The following RNASET2 variants were observed in gnomAD, a reference collection of about 807,000 sequenced individuals.
RNASET2 encodes ribonuclease T2.
Under a neutral mutation model 33.9 loss-of-function variants are expected in RNASET2, and 28 were observed. The ratio of observed to expected loss-of-function variants is 0.83; its 90% CI spans 0.61 to 1.13. RNASET2 has a LOEUF of 1.13. Among genes scored for constraint, RNASET2 ranks in the 50% most tolerant of loss-of-function variants. The pLI is 0.00. For synonymous variants in RNASET2, 123 were observed against 121.0 expected (o/e 1.02, Z -0.11); for missense variants, 330 against 319.9 (o/e 1.03, Z -0.24).
intron 4 of RNASET2, among the ~76,000 whole-genome samples, chr6:166,944,877 C>T (rs1284528490): frequency 6.6e-6 from 1 of 152,030 alleles, no homozygotes; most frequent in East Asian, 1.9e-4. Context: ...AGGCCCACAC[C>T]TGTCAGCGCT....
rs1394189622 is a variant in RNASET2, at chr6:166,934,107, G to A, written c.476C>T (p.Ser159Phe). 6.2e-7 allele frequency: 1 copy of A among 1,609,604 alleles called. No homozygotes were observed. The highest frequency in any genetic ancestry group is 1.7e-5 in the Admixed American group (1 of 60,010). Reference sequence around the variant, plus strand: ...AAGACTTACTTGGTAGTAATTGATGGATGGTTTTATCCCCAATTTTAGAAG... The same window carrying A: ...AAGACTTACTTGGTAGTAATTGATGAATGGTTTTATCCCCAATTTTAGAAG... ...SVLLKLGIKP[S>F]INYYQVADFK... Residue 159 changes from serine (S) to phenylalanine (F), a missense_variant, in exon 7 of 9, where the codon TCC becomes TTC. Ser to Phe is a radical substitution (Grantham distance 155). Coordinates refer to ENST00000508775, the MANE Select transcript of RNASET2 (RefSeq NM_003730.6).
chr6:166,944,567 T>C (rs1162190218), intron 4 of RNASET2, among the ~76,000 whole-genome samples: 1 of 147,558 alleles, frequency 6.8e-6, no homozygotes, highest in Non-Finnish European at 1.5e-5. Context: ...AGTGTGCAAA[T>C]TGGGCTACTT....
chr6:166,929,532 T>C lies in RNASET2; in HGVS notation c.*56A>G. ...ACTTTGGAGTTGTTTTTTAGAAAGC[T>C]GCAGTTTGTGAATTTCTCTTGCTTT... On this transcript the variant is annotated 3_prime_UTR_variant, in exon 9 of 9. Transcript: ENST00000508775. 1 of 1,557,460 alleles carries C rather than the reference T, an allele frequency of 6.4e-7. No individual in the cohort carries two copies. The highest frequency in any genetic ancestry group is 1.4e-5 in the African/African-American group (1 of 73,864).
At chr6:166,939,936 T>C (rs1778657642) in intron 5 of RNASET2, among the ~76,000 whole-genome samples, 1 of 152,254 alleles carries the variant, frequency 6.6e-6, no homozygotes, top group South Asian at 2.1e-4. Context: ...CTTCGTTTGG[T>C]TCTCAAAACT....
Position 166,925,976 on chromosome 6 carries a change from T to C in RNASET2, c.*3612A>G, listed in dbSNP as rs1583209726. On this transcript the variant is annotated 3_prime_UTR_variant, in exon 9 of 9. Coordinates refer to ENST00000508775, the MANE Select transcript of RNASET2 (RefSeq NM_003730.6). ...GGTGTGATCTGGGAGCAGAGAGCCA[T>C]GGTTGGTTACGGAGAGTGGCACAAA... Among the ~76,000 whole-genome samples the C allele has an allele frequency of 2.6e-5, 4 of 152,168 alleles. No individual in the cohort carries two copies. Among genetic ancestry groups the C allele is most frequent in the Admixed American group, 2.6e-4 (4 of 15,280 alleles).
intron 1 of RNASET2, among the ~76,000 whole-genome samples, chr6:166,954,652 C>T (rs149248238): frequency 7.9e-5 from 12 of 152,272 alleles, no homozygotes; most frequent in Admixed American, 1.3e-4. Flanking sequence ...ATACACTTTC[C>T]GGAACACTGA....
intron 4 of RNASET2, among the ~76,000 whole-genome samples, chr6:166,944,469 T>G (rs1419890668): frequency 2.5e-5 from 1 of 40,012 alleles, no homozygotes. Context: ...CCTCTTCCCC[T>G]CCAGCCCCCC....
At chr6:166,953,471 A>C (rs1272229804) in intron 1 of RNASET2, 1 of 152,282 alleles carries the variant, frequency 6.6e-6, no homozygotes, top group Non-Finnish European at 1.5e-5. Context: ...AAGAAGATCA[A>C]GTTGTCACAC....
rs35716361 is a variant in RNASET2, at chr6:166,929,697, G to T, written c.662C>A (p.Ser221Tyr). ...TGCCAGCCAGACTTCCTGCTTGGGGGACGGCTGCTCCCCCGGCTCGGTGCA... is the reference window on the plus strand; with the variant it reads ...TGCCAGCCAGACTTCCTGCTTGGGGTACGGCTGCTCCCCCGGCTCGGTGCA... ...QNCTEPGEQP[S>Y]PKQEVWLANG... is the part of the protein sequence containing the mutation. The change falls in exon 9 of 9, where the codon TCC becomes TAC. Residue 221 changes from serine (S) to tyrosine (Y), a missense_variant. Ser to Tyr is a moderately radical substitution (Grantham distance 144, BLOSUM62 -2). Transcript: ENST00000508775. 2.6e-4 allele frequency: 425 copies of T among 1,614,130 alleles called. 1 individual carries two copies. The African/African-American group carries it at 4.4e-3, about 17-fold the overall frequency.
intron 8 of RNASET2, among the ~76,000 whole-genome samples, chr6:166,930,812 A>G (rs940848742): frequency 6.6e-6 from 1 of 150,806 alleles, no homozygotes; most frequent in African/African-American, 2.4e-5. Context: ...ATGTACACAC[A>G]CATGCACACA....
intron 6 of RNASET2, among the ~76,000 whole-genome samples, chr6:166,937,873 C>G (rs1244937344): frequency 6.6e-6 from 1 of 152,130 alleles, no homozygotes; most frequent in Admixed American, 6.5e-5. Context: ...GTGCCAAGCC[C>G]CTCTTCTATC....
At chr6:166,934,632 T>C (rs1450751705) in intron 6 of RNASET2, 5 of 194,930 alleles carry the variant, frequency 2.6e-5, no homozygotes, top group Non-Finnish European at 5.3e-5. Context: ...TTGAGATATG[T>C]TTAGATACAC....
Position 166,938,978 on chromosome 6 carries a change from G to A in RNASET2, c.363C>T (p.Cys121=), listed in dbSNP as rs775647997. The A allele has an allele frequency of 3.8e-5, 61 of 1,613,278 alleles. 1 individual carries two copies. In the South Asian group the frequency reaches 5.7e-4, roughly 15 times the overall value. The change falls in exon 6 of 9, where the codon TGC becomes TGT. Residue 121 remains cysteine, a synonymous_variant. Transcript: ENST00000508775. ...WKHEWEKHGT[C]AAQVDALNSQ... ...AGTTGAGCGCATCCACCTGGGCGGC[G>A]CAGGTCCCATGCTTTTCCCACTCAT...
intron 1 of RNASET2, among the ~76,000 whole-genome samples, chr6:166,955,219 A>ACG (rs879717573): frequency 5.6e-5 from 5 of 88,874 alleles, no homozygotes; most frequent in Non-Finnish European, 9.9e-5. Flanking sequence ...GCACGCACAC[A>ACG]CGCGCACACA....
Position 166,927,011 on chromosome 6 carries a change from C to T in RNASET2, c.*2577G>A, listed in dbSNP as rs1778318169. Among the ~76,000 whole-genome samples the T allele has an allele frequency of 6.6e-6, 1 of 152,208 alleles. No homozygotes were observed. Among genetic ancestry groups the T allele is most frequent in the African/African-American group, 2.4e-5 (1 of 41,446 alleles). ...GATCCCAGAGCCTGGCCTGCTCCTC[C>T]TTCCACACATACGAGCCTGAGACCC... On this transcript the variant is annotated 3_prime_UTR_variant, in exon 9 of 9. Transcript: ENST00000508775.
At chr6:166,941,674 CATTTT>C (rs1359406591) in intron 5 of RNASET2, among the ~76,000 whole-genome samples, 5 of 152,306 alleles carry the variant, frequency 3.3e-5, no homozygotes, top group Admixed American at 2.0e-4. Flanking sequence ...ACTTCCATTT[CATTTT>C]GTTTTCAAAA....
chr6:166,929,779 G>A lies in RNASET2; in HGVS notation c.580C>T (p.Gln194Ter). The change falls in exon 9 of 9, where the codon CAG becomes TAG. Residue 194 changes from glutamine (Q) to a stop codon, truncating the protein, a stop_gained. Coordinates refer to ENST00000508775, the MANE Select transcript of RNASET2 (RefSeq NM_003730.6). LOFTEE classifies it low-confidence loss of function (END_TRUNC). ...CLPPSQDEEV[Q>*]TIGQIELCLT... ...CACAGTTCTATCTGACCAATTGTCTGTACTTCCTCATCCTAAAAGTAAACA... is the reference window on the plus strand; with the variant it reads ...CACAGTTCTATCTGACCAATTGTCTATACTTCCTCATCCTAAAAGTAAACA... 1 of 1,613,910 alleles carries A rather than the reference G, an allele frequency of 6.2e-7. No individual in the cohort carries two copies. The highest frequency in any genetic ancestry group is 8.5e-7 in the Non-Finnish European group (1 of 1,179,834).
At chr6:166,938,604 C>T in intron 6 of RNASET2, 1 of 669,588 alleles carries the variant, frequency 1.5e-6, no homozygotes, top group Non-Finnish European at 2.9e-6. Context: ...ACGGCACATG[C>T]TGGTTGGAGT....
Position 166,924,715 on chromosome 6 carries a change from G to A in RNASET2, c.*4873C>T, listed in dbSNP as rs903345631. On this transcript the variant is annotated 3_prime_UTR_variant, in exon 9 of 9. Coordinates refer to ENST00000508775, the MANE Select transcript of RNASET2 (RefSeq NM_003730.6). Reference sequence around the variant, plus strand: ...CCGTCTGTTGCCCTGCACTTTGGGAGGCTGAGGCAGGTGGATCACCCGAGG... The same window carrying A: ...CCGTCTGTTGCCCTGCACTTTGGGAAGCTGAGGCAGGTGGATCACCCGAGG... 1.3e-5 allele frequency among the ~76,000 whole-genome samples: 2 copies of A among 152,208 alleles called. No homozygotes were observed. The highest frequency in any genetic ancestry group is 2.9e-5 in the Non-Finnish European group (2 of 68,042).
Sources: allele counts gnomAD v4.1 joint callset (sites outside exome capture counted in the v4.1 genomes callset), GRCh38; gene constraint gnomAD v4.1.1; transcripts MANE v1.5; gene names NCBI Gene and HGNC (gene_info 2026-07-23, HGNC 2026-07-21).